The following SLC8A3 variants were observed in gnomAD, a reference collection of about 807,000 sequenced individuals.
SLC8A3 encodes the protein solute carrier family 8 member A3.
SLC8A3 carries 37 observed loss-of-function variants against 65.4 expected under a neutral mutation model. The ratio of observed to expected loss-of-function variants is 0.57; its 90% CI spans 0.44 to 0.74. The LOEUF is 0.74. Among genes scored for constraint, SLC8A3 ranks in the 30% least tolerant of loss-of-function variants. The pLI is 0.00. For missense variants in SLC8A3, 1,112 were observed against 1,172.1 expected (o/e 0.95, Z 0.75); for synonymous variants, 461 against 444.5 (o/e 1.04, Z -0.47).
At chr14:70,127,387 GC>G (rs1425280354) in intron 2 of SLC8A3, among the ~76,000 whole-genome samples, 3 of 152,056 alleles carry the variant, frequency 2.0e-5, no homozygotes, top group Non-Finnish European at 4.4e-5. Context: ...TTTTGACCCC[GC>G]CCAGGCATCT....
intron 2 of SLC8A3, among the ~76,000 whole-genome samples, chr14:70,147,511 A>G (rs1303775978): frequency 1.3e-5 from 2 of 152,186 alleles, no homozygotes; most frequent in Non-Finnish European, 2.9e-5. Flanking sequence ...ATTATGTTAC[A>G]TGGCAATGGT....
At chr14:70,172,788 C>A (rs1041890942) in intron 1 of SLC8A3, among the ~76,000 whole-genome samples, 7 of 151,920 alleles carry the variant, frequency 4.6e-5, no homozygotes, top group Non-Finnish European at 8.8e-5. Context: ...GGAGGTAGGG[C>A]AGAATGCTAT....
chr14:70,051,801 T>C (rs921302429), intron 4 of SLC8A3, among the ~76,000 whole-genome samples, 189 bp downstream of exon 4: 3 of 152,216 alleles, frequency 2.0e-5, no homozygotes, highest in Non-Finnish European at 4.4e-5. Context: ...ACAATATTCC[T>C]AGCATACAAA....
At chr14:70,146,602 A>C (rs1391245582) in intron 2 of SLC8A3, among the ~76,000 whole-genome samples, 5 of 152,194 alleles carry the variant, frequency 3.3e-5, no homozygotes, top group Admixed American at 1.3e-4. Flanking sequence ...TATATATTAG[A>C]GTATATTTAT....
chr14:70,060,961 G>C (rs1888737987), intron 2 of SLC8A3, 22 bp from the exon 3 acceptor site: 2 of 1,129,696 alleles, frequency 1.8e-6, no homozygotes, highest in East Asian at 2.4e-5. Flanking sequence ...ACAAGAGAGA[G>C]AGTGTGTCGA....
Position 70,046,130 on chromosome 14 carries a change from G to A in SLC8A3, c.2583C>T (p.Leu861=). ...TGCAGACAAATGCAAAGATGGTGAA[G>A]AGGGTGACGGAGAAGGCCAGTGTGC... is the stretch of plus-strand genomic sequence containing the variant. ...SAGTLAFSVT[L]FTIFAFVCIS... The change falls in exon 7 of 7, where the codon CTC becomes CTT. Residue 861 remains leucine (L), a synonymous_variant. Coordinates refer to ENST00000356921, the MANE Select transcript of SLC8A3 (RefSeq NM_182932.3). This position sits in a 1 kb window ranked among gnomAD's most constrained non-coding sequence, Gnocchi z 4.2. 6.2e-7 allele frequency: 1 copy of A among 1,614,208 alleles called. No homozygotes were observed. The highest frequency in any genetic ancestry group is 8.5e-7 in the Non-Finnish European group (1 of 1,180,018).
In SLC8A3 at chr14:70,169,739, C is replaced by A. The variant is rs528496119; in HGVS notation, c.-62-1255G>T. Among the ~76,000 whole-genome samples the A allele has an allele frequency of 2.6e-5, 4 of 150,994 alleles. No homozygotes were observed. The South Asian group carries it at 8.6e-4, about 32-fold the overall frequency. ...CCTCTGCTACAACTGTGTGGGATAC[C>A]CTTAGTAATAAAGGAATGCTGATTT... On this transcript the variant is annotated intron_variant, in intron 1 of 6. Coordinates refer to ENST00000356921, the MANE Select transcript of SLC8A3 (RefSeq NM_182932.3).
chr14:70,167,334 A>G lies in SLC8A3; in HGVS notation c.1089T>C (p.Thr363=). The part of the protein sequence containing the change: ...FYRIQATRMM[T]GAGNILKKHA... Reference sequence around the variant, plus strand: ...GTTTCTTCAGGATATTGCCTGCACCAGTCATCATACGAGTGGCTTGGATAC... The same window carrying G: ...GTTTCTTCAGGATATTGCCTGCACCGGTCATCATACGAGTGGCTTGGATAC... The change falls in exon 2 of 7, where the codon ACT becomes ACC. Residue 363 remains threonine, a synonymous_variant. Coordinates refer to ENST00000356921, the MANE Select transcript of SLC8A3 (RefSeq NM_182932.3). 1 of 1,614,234 alleles carries G rather than the reference A, an allele frequency of 6.2e-7. No individual in the cohort carries two copies. The highest frequency in any genetic ancestry group is 8.5e-7 in the Non-Finnish European group (1 of 1,180,048).
At chr14:70,130,487 T>TGG (rs1894752392) in intron 2 of SLC8A3, among the ~76,000 whole-genome samples, 1 of 152,102 alleles carries the variant, frequency 6.6e-6, no homozygotes, top group African/African-American at 2.4e-5. Flanking sequence ...CCACCCACAT[T>TGG]GGGGGAACAC....
chr14:70,168,128 T>A lies in SLC8A3; in HGVS notation c.295A>T (p.Met99Leu). 2 of 1,614,126 alleles carry A rather than the reference T, an allele frequency of 1.2e-6. No homozygotes were observed. The highest frequency in any genetic ancestry group is 1.6e-4 in the Middle Eastern group (1 of 6,062). Residue 99 changes from methionine to leucine, a missense_variant, in exon 2 of 7, where the codon ATG becomes TTG. Met to Leu is a conservative substitution (Grantham distance 15). Transcript: ENST00000356921. ...GAGGTGATGACTTCAATAGATGCCA[T>A]GAAGCGGTCAGCAATGATGGACACC... ...LGVSIIADRFMASIEVITSQE... is the reference protein window; with the variant it reads ...LGVSIIADRFLASIEVITSQE...
rs1886582431 is a variant in SLC8A3 at position 70,044,870 on chromosome 14, C to T, written c.*1077G>A. The T allele has an allele frequency of 6.6e-6, 1 of 152,204 alleles. No homozygotes were observed. The highest frequency in any genetic ancestry group is 2.4e-5 in the African/African-American group (1 of 41,446). 9.4% of individuals were successfully genotyped at this position (152,204 alleles called of 1,614,324 possible). ...AGCTGACATTTCTCAGGCACATTGA[C>T]ATTTAAAATACAAACTTTTCTCTTA... is the stretch of plus-strand genomic sequence containing the variant. On this transcript the variant is annotated 3_prime_UTR_variant, in exon 7 of 7. Coordinates refer to ENST00000356921, the MANE Select transcript of SLC8A3 (RefSeq NM_182932.3).
At position 70,167,814 on chromosome 14, in the gene SLC8A3, G is replaced by T. The variant is rs953918295; in HGVS notation, c.609C>A (p.Phe203Leu). 4 of 1,614,148 alleles carry T rather than the reference G, an allele frequency of 2.5e-6. No homozygotes were observed. The highest frequency in any genetic ancestry group is 3.4e-6 in the Non-Finnish European group (4 of 1,180,024). Residue 203 changes from phenylalanine (F) to leucine (L), a missense_variant, in exon 2 of 7, where the codon TTC (phenylalanine) becomes TTA (leucine). Coordinates refer to ENST00000356921, the MANE Select transcript of SLC8A3 (RefSeq NM_182932.3). ...ETRKIKHLRV[F>L]FITAAWSIFA... ...AGATACTCCAAGCAGCGGTGATGAA[G>T]AAGACTCGTAGATGCTTGATCTTGC...
At chr14:70,161,128 T>C (rs941277221) in intron 2 of SLC8A3, among the ~76,000 whole-genome samples, 2 of 145,368 alleles carry the variant, frequency 1.4e-5, no homozygotes, top group Non-Finnish European at 3.0e-5. Flanking sequence ...GTGGTATATA[T>C]ATATATAAAT....
At position 70,168,263 on chromosome 14, in the gene SLC8A3, A is replaced by G. The variant is rs765134454; in HGVS notation, c.160T>C (p.Cys54Arg). 2 of 1,614,172 alleles carry G rather than the reference A, an allele frequency of 1.2e-6. No individual in the cohort carries two copies. Among genetic ancestry groups the G allele is most frequent in the Admixed American group, 3.3e-5 (2 of 60,010 alleles). ...ATTGGCAGGATGACACCCTCCTTGC[A>G]GTCCGATGACCCTGAACAGGACTCA... The part of the protein sequence containing the change: ...NNESCSGSSD[C>R]KEGVILPIWY... Residue 54 changes from cysteine (C) to arginine (R), a missense_variant, in exon 2 of 7, where the codon TGC becomes CGC. Transcript: ENST00000356921.
In SLC8A3 at chr14:70,045,003, C is replaced by T. The variant is rs1420314575; in HGVS notation, c.*944G>A. Reference sequence around the variant, plus strand: ...TTCTTCCAGTAGCCCTTTGTCGTCACACACCATTCCTATTTTTGTCCCATC... The same window carrying T: ...TTCTTCCAGTAGCCCTTTGTCGTCATACACCATTCCTATTTTTGTCCCATC... On this transcript the variant is annotated 3_prime_UTR_variant, in exon 7 of 7. Coordinates refer to ENST00000356921, the MANE Select transcript of SLC8A3 (RefSeq NM_182932.3). The T allele has an allele frequency of 2.0e-5, 3 of 152,230 alleles. No individual in the cohort carries two copies. Among genetic ancestry groups the T allele is most frequent in the Admixed American group, 6.5e-5 (1 of 15,272 alleles). 9.4% of individuals were successfully genotyped at this position (152,230 alleles called of 1,614,324 possible).
At chr14:70,073,192 G>A (rs547956346) in intron 2 of SLC8A3, among the ~76,000 whole-genome samples, 5 of 152,240 alleles carry the variant, frequency 3.3e-5, no homozygotes, top group African/African-American at 9.6e-5. Context: ...GGGGTATGAC[G>A]GAGTGGGCTG....
At chr14:70,187,110 C>G (rs1225294807) in intron 1 of SLC8A3, 1 of 152,540 alleles carries the variant, frequency 6.6e-6, no homozygotes, top group African/African-American at 2.4e-5. Flanking sequence ...CCCCCCACCC[C>G]CTTCGGGTGT....
intron 2 of SLC8A3, among the ~76,000 whole-genome samples, chr14:70,132,513 G>T (rs1270873613): frequency 6.6e-6 from 1 of 152,182 alleles, no homozygotes; most frequent in African/African-American, 2.4e-5. Flanking sequence ...AAGCAGCATT[G>T]TCTGTGTGCG....
chr14:70,108,781 T>G lies in SLC8A3; in HGVS notation c.1785-47842A>C, dbSNP rs558579170. On this transcript the variant is annotated intron_variant, in intron 2 of 6. Transcript: ENST00000356921. Reference sequence around the variant, plus strand: ...GCCTTCAATCTTCCATATTTCCTATTGCATTGAAATTCTAAACTACTTCCC... The same window carrying G: ...GCCTTCAATCTTCCATATTTCCTATGGCATTGAAATTCTAAACTACTTCCC... 8.5e-5 allele frequency among the ~76,000 whole-genome samples: 13 copies of G among 152,346 alleles called. No homozygotes were observed. The East Asian group carries it at 2.5e-3, about 29-fold the overall frequency.
Sources: allele counts gnomAD v4.1 joint callset (sites outside exome capture counted in the v4.1 genomes callset), GRCh38; gene constraint gnomAD v4.1.1; non-coding constraint Gnocchi (gnomAD v3.1); transcripts MANE v1.5; gene names NCBI Gene and HGNC (gene_info 2026-07-23, HGNC 2026-07-21).